The following MXD3 variants were observed in gnomAD, a reference collection of about 807,000 sequenced individuals.
MXD3 encodes the protein MAX dimerization protein 3.
A neutral mutation model predicts 27.5 loss-of-function variants in MXD3; 20 were observed. The observed-to-expected ratio is 0.73, with a 90% CI of 0.51 to 1.06. The LOEUF is 1.06. MXD3 is among the 50% of genes least tolerant of loss of function. The pLI, the probability that MXD3 is intolerant of heterozygous loss-of-function variation, is 0.00. For missense variants in MXD3, 298 were observed against 291.3 expected (o/e 1.02, Z -0.17); for synonymous variants, 150 against 130.7 (o/e 1.15, Z -1.01).
At chr5:177,311,122 G>A (rs1457420614) in intron 2 of MXD3, 3 of 528,128 alleles carry the variant, frequency 5.7e-6, no homozygotes, top group Middle Eastern at 4.8e-4. Flanking sequence ...TGTGGGGTGC[G>A]GGAGTGCGAG....
At chr5:177,312,349 T>A (rs371040852), upstream of MXD3, 23 of 985,914 alleles carry the variant, frequency 2.3e-5, no homozygotes, top group African/African-American at 3.7e-4. Flanking sequence ...AGGATCGCTG[T>A]TGTCATCCTC....
downstream of MXD3, chr5:177,306,798 G>GTGACT (rs775179133): frequency 8.1e-5 from 66 of 819,836 alleles, no homozygotes; most frequent in Non-Finnish European, 1.0e-4. Context: ...CAGAGGTGCG[G>GTGACT]TGACTTGCCC....
chr5:177,311,756 C>T lies in MXD3; in HGVS notation c.70+5G>A. On this transcript the variant is annotated splice_donor_5th_base_variant and intron_variant, in intron 1 of 5. Transcript: ENST00000439742. The stretch of plus-strand genomic sequence containing the variant: ...CCCGGAATTCAGCCAAGGGTCCTTC[C>T]TCACCTCTCTCACGGCGCTCCAGGA... 1 of 1,612,980 alleles carries T rather than the reference C, an allele frequency of 6.2e-7. No individual in the cohort carries two copies. Among genetic ancestry groups the T allele is most frequent in the Non-Finnish European group, 8.5e-7 (1 of 1,179,546 alleles).
downstream of MXD3, chr5:177,305,778 G>A: frequency 9.8e-7 from 1 of 1,020,418 alleles, no homozygotes; most frequent in South Asian, 1.4e-5. Flanking sequence ...TCATTGTATT[G>A]CTTCGCCTCA....
downstream of MXD3, chr5:177,306,333 G>A: frequency 6.3e-7 from 1 of 1,595,046 alleles, no homozygotes; most frequent in South Asian, 1.1e-5. Flanking sequence ...AGTGGAGCCT[G>A]GCCCAGAGGA....
chr5:177,307,839 C>A lies in MXD3; in HGVS notation c.447G>T (p.Leu149=). The part of the protein sequence containing the change: ...GLAGAAERER[L]RADSLDSSGL... The stretch of plus-strand genomic sequence containing the variant: ...CTGAGGAGTCCAGACTGTCCGCCCG[C>A]AGCCGCTCCCGCTCGGCCGCCCCTG... Residue 149 remains leucine (L), a synonymous_variant, in exon 5 of 6, where the codon CTG becomes CTT. Coordinates refer to ENST00000439742, the MANE Select transcript of MXD3 (RefSeq NM_031300.4). 1.2e-6 allele frequency: 2 copies of A among 1,611,426 alleles called. No individual in the cohort carries two copies. The highest frequency in any genetic ancestry group is 1.7e-6 in the Non-Finnish European group (2 of 1,179,268).
intron 4 of MXD3, 106 bp downstream of exon 4, chr5:177,310,320 C>T (rs1761003366): frequency 1.2e-6 from 1 of 802,816 alleles, no homozygotes; most frequent in Non-Finnish European, 2.0e-6. Context: ...TCACACAGTT[C>T]TTGAGCTCTG....
Position 177,307,324 on chromosome 5 carries a change from G to C in MXD3, c.*264C>G. On this transcript the variant is annotated 3_prime_UTR_variant, in exon 6 of 6. Coordinates refer to ENST00000439742, the MANE Select transcript of MXD3 (RefSeq NM_031300.4). ...GCTTCCTGTCCCCTTGGGGGCAGCA[G>C]AGCCAAATGCTTGGGCTCGGGCCCA... is the stretch of plus-strand genomic sequence containing the variant. 5.2e-6 allele frequency: 8 copies of C among 1,544,672 alleles called. No homozygotes were observed. Among genetic ancestry groups the C allele is most frequent in the Non-Finnish European group, 6.1e-6 (7 of 1,142,044 alleles).
chr5:177,305,865 G>A (rs1374778275), downstream of MXD3: 2 of 1,612,668 alleles, frequency 1.2e-6, no homozygotes, highest in Non-Finnish European at 1.7e-6. Context: ...GTTGGCCTCT[G>A]CATAGGTGGT....
chr5:177,307,713 G>T lies in MXD3; in HGVS notation c.506-10C>A. ...TCCACCTCCAGCTCCTCTGCGCGGG[G>T]AGGGGTCCGGTCAGAAGACCTGGCT... On this transcript the variant is annotated splice_polypyrimidine_tract_variant and intron_variant, in intron 5 of 5. Coordinates refer to ENST00000439742, the MANE Select transcript of MXD3 (RefSeq NM_031300.4). 6.2e-7 allele frequency: 1 copy of T among 1,613,766 alleles called. No individual in the cohort carries two copies. Among genetic ancestry groups the T allele is most frequent in the Non-Finnish European group, 8.5e-7 (1 of 1,179,932 alleles).
upstream of MXD3, chr5:177,311,977 C>A (rs1581592776): frequency 3.0e-6 from 4 of 1,316,782 alleles, no homozygotes; most frequent in Non-Finnish European, 3.9e-6. Flanking sequence ...AACGCCCAGC[C>A]CTTGGCTCCG....
upstream of MXD3, chr5:177,312,600 G>C: frequency 1.0e-6 from 1 of 985,472 alleles, no homozygotes; most frequent in Non-Finnish European, 1.2e-6. Flanking sequence ...TGCCCCCGAA[G>C]GCCCCCGTGG....
intron 1 of MXD3, 126 bp downstream of exon 1, chr5:177,311,635 T>C: frequency 8.4e-7 from 1 of 1,187,224 alleles, no homozygotes; most frequent in Non-Finnish European, 1.2e-6. Flanking sequence ...TCCTCTCGAG[T>C]TGAGGGCGAG....
chr5:177,312,374 G>GA (rs1761059904), upstream of MXD3: 1 of 985,680 alleles, frequency 1.0e-6, no homozygotes, highest in Non-Finnish European at 1.2e-6. Flanking sequence ...CGGGGTCGGG[G>GA]AGCCTCTGAT....
intron 2 of MXD3, chr5:177,311,128 G>A (rs1158890365): frequency 3.8e-6 from 2 of 525,160 alleles, no homozygotes; most frequent in Non-Finnish European, 6.7e-6. Flanking sequence ...GTGCGGGAGT[G>A]CGAGTGGAAG....
chr5:177,311,934 C>T, upstream of MXD3: 2 of 1,380,834 alleles, frequency 1.4e-6, no homozygotes, highest in South Asian at 1.4e-5. Context: ...AACACAGGGG[C>T]CCGCCCCGCC....
chr5:177,312,304 C>T (rs1450182637), upstream of MXD3: 2 of 986,392 alleles, frequency 2.0e-6, no homozygotes, highest in South Asian at 4.6e-5. Flanking sequence ...GCGGGGCCTC[C>T]GGCCGCCGCT....
rs1465816436 is a variant in MXD3, at chr5:177,307,344, G to A, written c.*244C>T. On this transcript the variant is annotated 3_prime_UTR_variant, in exon 6 of 6. Transcript: ENST00000439742. Reference sequence around the variant, plus strand: ...CAGCAGAGCCAAATGCTTGGGCTCGGGCCCAAGCTGCCTGCCCTGCAGGGG... The same window carrying A: ...CAGCAGAGCCAAATGCTTGGGCTCGAGCCCAAGCTGCCTGCCCTGCAGGGG... 2.0e-6 allele frequency: 3 copies of A among 1,529,540 alleles called. No individual in the cohort carries two copies. The African/African-American group carries it at 4.1e-5, about 21-fold the overall frequency. The allele number at this position is 1,529,540 out of a possible 1,614,324, so 94.7% of individuals were successfully genotyped here.
chr5:177,310,991 A>G, intron 2 of MXD3: 1 of 527,066 alleles, frequency 1.9e-6, no homozygotes. Flanking sequence ...CTGCGGAAAC[A>G]GATGTTTCCC....
Sources: gnomAD v4.1 joint callset for allele counts on GRCh38, gnomAD v4.1.1 for gene constraint, MANE v1.5 for transcripts, NCBI Gene and HGNC (gene_info 2026-07-23, HGNC 2026-07-21) for gene names.